The following ZCCHC17 variants were observed in gnomAD, a reference collection of about 807,000 sequenced individuals.
The protein encoded by ZCCHC17 is zinc finger CCHC domain-containing protein 17.
A neutral mutation model predicts 30.6 loss-of-function variants in ZCCHC17; 18 were observed. The observed-to-expected ratio is 0.59, with a 90% CI of 0.41 to 0.87. The LOEUF (loss-of-function observed/expected upper bound fraction) is 0.87. ZCCHC17 is among the 40% of genes least tolerant of loss of function. The pLI, the probability that ZCCHC17 is intolerant of heterozygous loss-of-function variation, is 0.00. For synonymous variants in ZCCHC17, 88 were observed against 92.4 expected (o/e 0.95, Z 0.27); for missense variants, 263 against 284.2 (o/e 0.93, Z 0.54).
Position 31,364,288 on chromosome 1 carries a change from C to G in ZCCHC17, c.*95C>G. The stretch of plus-strand genomic sequence containing the variant: ...AGACTCAATAGTGAGAATATAGCCT[C>G]CCACCCCATTAACTTCGCTCCCATG... On this transcript the variant is annotated 3_prime_UTR_variant, in exon 8 of 8. Transcript: ENST00000344147. The G allele has an allele frequency of 6.8e-7, 1 of 1,466,986 alleles. No individual in the cohort carries two copies. Among genetic ancestry groups the G allele is most frequent in the African/African-American group, 1.4e-5 (1 of 70,082 alleles). The allele number at this position is 1,466,986 out of a possible 1,614,324, so 90.9% of individuals were successfully genotyped here.
At chr1:31,331,368 A>G (rs569759683) in intron 3 of ZCCHC17, among the ~76,000 whole-genome samples, 1 of 151,102 alleles carries the variant, frequency 6.6e-6, no homozygotes, top group African/African-American at 2.4e-5. Flanking sequence ...CTGGTCTAGA[A>G]CTCCTGACTT....
chr1:31,342,194 T>A (rs1247820554), intron 5 of ZCCHC17, among the ~76,000 whole-genome samples: 1 of 151,814 alleles, frequency 6.6e-6, no homozygotes, highest in Non-Finnish European at 1.5e-5. Flanking sequence ...ACAGGCATAG[T>A]CCACCATGCC....
intron 2 of ZCCHC17, chr1:31,318,307 T>C (rs2148426380): frequency 7.7e-7 from 1 of 1,296,828 alleles, no homozygotes; most frequent in East Asian, 2.6e-5. Context: ...GTGACAACAT[T>C]ACCCTCGATC....
intron 1 of ZCCHC17, among the ~76,000 whole-genome samples, chr1:31,306,676 GT>G (rs141564305): frequency 1.3e-5 from 2 of 151,220 alleles, no homozygotes; most frequent in Non-Finnish European, 1.5e-5. Context: ...ATGCATGCCA[GT>G]TTTTTTTTGA....
chr1:31,303,670 A>G (rs1011238217), intron 1 of ZCCHC17, among the ~76,000 whole-genome samples: 3 of 152,172 alleles, frequency 2.0e-5, no homozygotes, highest in Non-Finnish European at 2.9e-5. Context: ...TTTTGAAACT[A>G]TCACATAATT....
chr1:31,305,477 A>G (rs1000734067), intron 1 of ZCCHC17, among the ~76,000 whole-genome samples: 1 of 152,032 alleles, frequency 6.6e-6, no homozygotes, highest in Non-Finnish European at 1.5e-5. Context: ...TTTAGTAGAG[A>G]TAGGGTTTTA....
At chr1:31,338,817 G>A in intron 4 of ZCCHC17, 140 bp from the exon 5 acceptor site, 1 of 556,012 alleles carries the variant, frequency 1.8e-6, no homozygotes, top group East Asian at 3.1e-5. Context: ...ATGCTTATTT[G>A]TATCTGCAAT....
At chr1:31,316,386 G>A (rs1646733931) in intron 2 of ZCCHC17, among the ~76,000 whole-genome samples, 1 of 152,202 alleles carries the variant, frequency 6.6e-6, no homozygotes, top group South Asian at 2.1e-4. Flanking sequence ...ATAGGTGTGA[G>A]CCACTGTGCC....
At chr1:31,348,076 A>G (rs1639340314) in intron 6 of ZCCHC17, among the ~76,000 whole-genome samples, 1 of 152,200 alleles carries the variant, frequency 6.6e-6, no homozygotes, top group African/African-American at 2.4e-5. Flanking sequence ...ACCGTGTCCA[A>G]CAGGCATTAC....
At chr1:31,328,956 G>A (rs1026448572) in intron 3 of ZCCHC17, among the ~76,000 whole-genome samples, 17 of 151,996 alleles carry the variant, frequency 1.1e-4, no homozygotes, top group Admixed American at 6.6e-5. Flanking sequence ...CAGTTGAGCC[G>A]TCCAGGAGTT....
At chr1:31,297,270 C>T (rs1027393377) in intron 1 of ZCCHC17, 195 bp downstream of exon 1, 4 of 398,106 alleles carry the variant, frequency 1.0e-5, no homozygotes, top group African/African-American at 6.2e-5. Flanking sequence ...GGGTCTCTGG[C>T]GGCAAGACCC....
chr1:31,329,934 C>T lies in ZCCHC17; in HGVS notation c.125-7241C>T, dbSNP rs116222148. On this transcript the variant is annotated intron_variant, in intron 3 of 7. Coordinates refer to ENST00000344147, the MANE Select transcript of ZCCHC17 (RefSeq NM_016505.4). ...ATTTTTGCCTATAATATAGTTTAAG[C>T]GTTTAGTAAATGTTTTAGTGAATCC... Among the ~76,000 whole-genome samples, 1,087 of 152,196 alleles carry T rather than the reference C, an allele frequency of 7.1e-3. 4 individuals carry two copies. The highest frequency in any genetic ancestry group is 0.031 in the East Asian group (163 of 5,184).
At position 31,297,045 on chromosome 1, in the gene ZCCHC17, C is replaced by G. The variant is rs1646177011; in HGVS notation, c.-86C>G. 6.7e-6 allele frequency: 3 copies of G among 449,396 alleles called. No homozygotes were observed. Among genetic ancestry groups the G allele is most frequent in the African/African-American group, 6.1e-5 (3 of 49,426 alleles). 27.8% of individuals were successfully genotyped at this position (449,396 alleles called of 1,614,324 possible). ...ACTGGGGTCGGCGTTTAGTTCAGCG[C>G]AGCGACTCGGGGACCTGGAGCTGAC... On this transcript the variant is annotated 5_prime_UTR_variant, in exon 1 of 8. Coordinates refer to ENST00000344147, the MANE Select transcript of ZCCHC17 (RefSeq NM_016505.4).
chr1:31,310,716 A>G (rs1646580254), intron 2 of ZCCHC17, among the ~76,000 whole-genome samples: 1 of 152,228 alleles, frequency 6.6e-6, no homozygotes, highest in South Asian at 2.1e-4. Context: ...TTTCTTTATA[A>G]ATTATCCAGT....
At chr1:31,327,168 A>G (rs1427013276) in intron 3 of ZCCHC17, among the ~76,000 whole-genome samples, 9 of 152,194 alleles carry the variant, frequency 5.9e-5, no homozygotes, top group East Asian at 3.8e-4. Flanking sequence ...CAACTCCCCA[A>G]TTCTCTGGAC....
At chr1:31,302,305 A>G (rs981617986) in intron 1 of ZCCHC17, among the ~76,000 whole-genome samples, 14 of 151,886 alleles carry the variant, frequency 9.2e-5, no homozygotes, top group African/African-American at 2.9e-4. Flanking sequence ...TTCTTCTTCT[A>G]TATCCTTTAG....
intron 3 of ZCCHC17, among the ~76,000 whole-genome samples, chr1:31,330,012 A>G (rs1323536232): frequency 6.6e-6 from 1 of 152,222 alleles, no homozygotes; most frequent in Non-Finnish European, 1.5e-5. Flanking sequence ...ATGTGCTTAT[A>G]TTATTGTCAT....
chr1:31,308,774 G>A (rs1012643477), intron 1 of ZCCHC17, among the ~76,000 whole-genome samples: 1 of 152,206 alleles, frequency 6.6e-6, no homozygotes, highest in African/African-American at 2.4e-5. Flanking sequence ...TCACCTAGTA[G>A]CTGGTTGAAA....
At chr1:31,357,759 CTTTT>C (rs34448655) in intron 7 of ZCCHC17, among the ~76,000 whole-genome samples, 1 of 143,814 alleles carries the variant, frequency 7.0e-6, no homozygotes, top group Non-Finnish European at 1.5e-5. Flanking sequence ...CCAGGCCTTT[CTTTT>C]TTTTTTTTTG....
Sources: allele counts gnomAD v4.1 joint callset (sites outside exome capture counted in the v4.1 genomes callset), GRCh38; gene constraint gnomAD v4.1.1; transcripts MANE v1.5; gene names NCBI Gene and HGNC (gene_info 2026-07-23, HGNC 2026-07-21).